The following MXRA7 variants were observed in gnomAD, a reference collection of about 807,000 sequenced individuals.
The protein encoded by MXRA7 is matrix-remodeling-associated protein 7.
Under a neutral mutation model 17.4 loss-of-function variants are expected in MXRA7, and 18 were observed. The ratio of observed to expected loss-of-function variants is 1.03; its 90% CI spans 0.71 to 1.53. The LOEUF (loss-of-function observed/expected upper bound fraction) is 1.53, where lower values mean the gene tolerates loss of function less well. Among genes scored for constraint, MXRA7 ranks in the 40% most tolerant of loss-of-function variants. The probability of loss-of-function intolerance (pLI) is 0.00; values close to 1 mark genes in which losing one functional copy is unlikely to be tolerated. For missense variants in MXRA7, 141 were observed against 209.3 expected (o/e 0.67, Z 2.01); for synonymous variants, 70 against 101.7 (o/e 0.69, Z 1.87).
intron 2 of MXRA7, among the ~76,000 whole-genome samples, chr17:76,687,805 G>A (rs1006243550): frequency 5.9e-5 from 9 of 152,218 alleles, no homozygotes; most frequent in African/African-American, 1.7e-4. Context: ...AATGTACAGC[G>A]CGGTCACAAA....
chr17:76,688,044 A>T, intron 2 of MXRA7, 69 bp downstream of exon 2: 1 of 1,178,234 alleles, frequency 8.5e-7, no homozygotes, highest in Non-Finnish European at 1.2e-6. Context: ...AGCTCCTGTG[A>T]TCCCCAGCAG....
chr17:76,686,089 G>A (rs79007169), intron 2 of MXRA7, among the ~76,000 whole-genome samples: 260 of 152,342 alleles, frequency 1.7e-3, no homozygotes, highest in African/African-American at 6.0e-3. Flanking sequence ...CCTCTAGCTT[G>A]CAGCCTTCAT....
chr17:76,680,683 G>A lies in MXRA7; in HGVS notation c.*184C>T. The A allele has an allele frequency of 2.1e-6, 3 of 1,439,106 alleles. No individual in the cohort carries two copies. Among genetic ancestry groups the A allele is most frequent in the Non-Finnish European group, 2.7e-6 (3 of 1,094,986 alleles). The allele number at this position is 1,439,106 out of a possible 1,614,324, so 89.1% of individuals were successfully genotyped here. A position where few individuals can be genotyped will look rare whatever the true frequency, so the allele number is the denominator to read the frequency against. On this transcript the variant is annotated 3_prime_UTR_variant, in exon 4 of 4. Coordinates refer to ENST00000449428, the MANE Select transcript of MXRA7 (RefSeq NM_198530.4). ...CTCTACACAGGGCAGGGCCAAAGGT[G>A]TTCCCAGGATCCTGCTAGCCAAGGG...
chr17:76,695,161 AAAAAC>A (rs770458123), intron 1 of MXRA7, among the ~76,000 whole-genome samples: 2 of 152,310 alleles, frequency 1.3e-5, no homozygotes, highest in East Asian at 3.9e-4. Context: ...ACTCCGTCTC[AAAAAC>A]AAAACAAAAC....
At position 76,680,793 on chromosome 17, in the gene MXRA7, G is replaced by T. The variant is rs1224443362; in HGVS notation, c.*74C>A. Reference sequence around the variant, plus strand: ...GAGCCTGCCCAGACTCCTCTCTGGGGTTTCCGTTTTATCTCTCAAGCTTTT... The same window carrying T: ...GAGCCTGCCCAGACTCCTCTCTGGGTTTTCCGTTTTATCTCTCAAGCTTTT... On this transcript the variant is annotated 3_prime_UTR_variant, in exon 4 of 4. Coordinates refer to ENST00000449428, the MANE Select transcript of MXRA7 (RefSeq NM_198530.4). The T allele has an allele frequency of 1.3e-6, 2 of 1,572,938 alleles. No individual in the cohort carries two copies. The highest frequency in any genetic ancestry group is 1.7e-6 in the Non-Finnish European group (2 of 1,159,794).
At chr17:76,703,158 A>C (rs2076615420) in intron 1 of MXRA7, among the ~76,000 whole-genome samples, 1 of 152,018 alleles carries the variant, frequency 6.6e-6, no homozygotes, top group South Asian at 2.1e-4. Context: ...GCAAATAAGA[A>C]TCAGGCCAGG....
intron 1 of MXRA7, chr17:76,688,576 G>C (rs1297639724): frequency 4.0e-6 from 5 of 1,257,442 alleles, no homozygotes; most frequent in Non-Finnish European, 5.0e-6. Context: ...GGGCCAGGCA[G>C]CATGGCCATC....
chr17:76,685,030 C>T (rs764583694), intron 3 of MXRA7, 42 bp downstream of exon 3: 8 of 1,567,742 alleles, frequency 5.1e-6, no homozygotes, highest in Non-Finnish European at 7.0e-6. Flanking sequence ...ACCCCCCTCC[C>T]CCAAGAGCCC....
chr17:76,690,944 A>G (rs2076473585), intron 1 of MXRA7, among the ~76,000 whole-genome samples: 1 of 152,026 alleles, frequency 6.6e-6, no homozygotes. Flanking sequence ...TTGTTCTAAC[A>G]TTTGGTTTTG....
At chr17:76,703,610 ACT>A (rs2076620261) in intron 1 of MXRA7, 1 of 134,734 alleles carries the variant, frequency 7.4e-6, no homozygotes, top group Non-Finnish European at 1.6e-5. Context: ...ACAAAGTGAG[ACT>A]CTGTTTTGTT....
chr17:76,690,017 G>GAAAAAA (rs112487680), intron 1 of MXRA7: 1 of 105,550 alleles, frequency 9.5e-6, no homozygotes, highest in Non-Finnish European at 2.0e-5. Flanking sequence ...CTTAAAAAAA[G>GAAAAAA]AAAAAAAAAA....
chr17:76,687,067 C>T (rs1159646494), intron 2 of MXRA7, among the ~76,000 whole-genome samples: 3 of 152,208 alleles, frequency 2.0e-5, no homozygotes, highest in African/African-American at 7.2e-5. Context: ...TAACAGGATC[C>T]CTGCATCCCT....
chr17:76,676,387 A>G (rs2076241270), downstream of MXRA7: 1 of 152,226 alleles, frequency 6.6e-6, no homozygotes, highest in African/African-American at 2.4e-5. Flanking sequence ...TAAGTGAGAG[A>G]AATTCTTGGC....
intron 1 of MXRA7, chr17:76,688,510 G>A (rs557573864): frequency 4.2e-5 from 55 of 1,313,402 alleles, no homozygotes; most frequent in South Asian, 3.5e-4. Flanking sequence ...GCGACGCTGC[G>A]GCCAGCAGAC....
intron 1 of MXRA7, among the ~76,000 whole-genome samples, chr17:76,698,277 G>C (rs1434444932): frequency 1.3e-5 from 2 of 152,206 alleles, no homozygotes; most frequent in African/African-American, 4.8e-5. Flanking sequence ...GCCGGGCCCA[G>C]GGCTGCCTCC....
At chr17:76,696,935 C>T (rs1418885752) in intron 1 of MXRA7, among the ~76,000 whole-genome samples, 2 of 152,176 alleles carry the variant, frequency 1.3e-5, no homozygotes, top group African/African-American at 4.8e-5. Context: ...GGAAACGGAA[C>T]AGAGCAGCTG....
intron 1 of MXRA7, among the ~76,000 whole-genome samples, chr17:76,708,580 G>A (rs1356041705): frequency 6.6e-6 from 1 of 152,182 alleles, no homozygotes; most frequent in African/African-American, 2.4e-5. Context: ...TCCACTTCAG[G>A]ACAATTTGTT....
downstream of MXRA7, among the ~76,000 whole-genome samples, chr17:76,679,375 G>A (rs965395380): frequency 5.3e-5 from 8 of 152,026 alleles, no homozygotes; most frequent in Non-Finnish European, 8.8e-5. Flanking sequence ...CAATCCATAT[G>A]TCCCTGAGTG....
rs1409267478 is a variant in MXRA7, at chr17:76,706,252, C to CCGT, written c.342+4352_342+4353insACG. Among the ~76,000 whole-genome samples the CCGT allele has an allele frequency of 3.3e-4, 43 of 130,050 alleles. 1 individual carries two copies. Among genetic ancestry groups the CCGT allele is most frequent in the East Asian group, 1.8e-3 (8 of 4,496 alleles). The allele number at this position is 130,050 out of a possible 152,430, so 85.3% of individuals were successfully genotyped here. Reference sequence around the variant, plus strand: ...TCTGCCGTCACAGAGGCCCACTCTGCCATCACAGAGGCCCACGCTGCCGTC... The same window carrying CCGT: ...TCTGCCGTCACAGAGGCCCACTCTGCCGTCATCACAGAGGCCCACGCTGCCGTC... On this transcript the variant is annotated intron_variant, in intron 1 of 3. Coordinates refer to ENST00000449428, the MANE Select transcript of MXRA7 (RefSeq NM_198530.4).
Sources: gnomAD v4.1 joint callset for allele counts (sites outside exome capture counted in the v4.1 genomes callset) on GRCh38, gnomAD v4.1.1 for gene constraint, MANE v1.5 for transcripts, NCBI Gene and HGNC (gene_info 2026-07-23, HGNC 2026-07-21) for gene names.